AIG1: variants seen among roughly 807,000 people sequenced by gnomAD.
AIG1 encodes androgen-induced gene 1 protein.
A neutral mutation model predicts 31.4 loss-of-function variants in AIG1; 23 were observed. That is an observed-to-expected ratio of 0.73 (90% CI 0.53 to 1.04). AIG1 has a LOEUF of 1.04. Ranked by LOEUF, AIG1 falls within the 50% of genes least tolerant of loss-of-function variation. AIG1 has a pLI of 0.00. For synonymous variants in AIG1, 100 were observed against 110.5 expected (o/e 0.90, Z 0.60); for missense variants, 274 against 295.0 (o/e 0.93, Z 0.52).
intron 1 of AIG1, among the ~76,000 whole-genome samples, chr6:143,082,773 G>A (rs1001442043): frequency 6.6e-6 from 1 of 152,018 alleles, no homozygotes; most frequent in Non-Finnish European, 1.5e-5. Context: ...CTGGTCCTTC[G>A]GACCTGTGTA....
rs1356251745 is a variant in AIG1 at position 143,329,839 on chromosome 6, C to A, written c.516-3443C>A. On this transcript the variant is annotated intron_variant, in intron 4 of 5. Transcript: ENST00000357847. The surrounding 1 kb of genome is among the most constrained non-coding windows in gnomAD (Gnocchi z 4.9). Reference sequence around the variant, plus strand: ...AAAGTTTTATTGGAACACATCCACACTCGTTTACATATTGTCTATGGCTGC... The same window carrying A: ...AAAGTTTTATTGGAACACATCCACAATCGTTTACATATTGTCTATGGCTGC... Among the ~76,000 whole-genome samples the A allele has an allele frequency of 1.3e-5, 2 of 152,166 alleles. No individual in the cohort carries two copies. Among genetic ancestry groups the A allele is most frequent in the African/African-American group, 2.4e-5 (1 of 41,422 alleles).
intron 3 of AIG1, among the ~76,000 whole-genome samples, chr6:143,166,916 G>A (rs1182537307): frequency 1.3e-5 from 2 of 152,160 alleles, no homozygotes; most frequent in African/African-American, 2.4e-5. Flanking sequence ...GGCCTCAAAT[G>A]TGTGGCCACA....
intron 1 of AIG1, chr6:143,061,527 C>G: frequency 3.1e-6 from 1 of 326,324 alleles, no homozygotes; most frequent in East Asian, 7.8e-5. Context: ...TGATTTGGAA[C>G]TTCACCTGAA....
chr6:143,163,255 G>A lies in AIG1; in HGVS notation c.298-1827G>A, dbSNP rs563430108. Among the ~76,000 whole-genome samples, 21 of 152,256 alleles carry A rather than the reference G, an allele frequency of 1.4e-4. No homozygotes were observed. The South Asian group carries it at 4.1e-3, about 30-fold the overall frequency. ...GTGAAATCTATCCAGCAAAAGAAGTGAAAACAGAATGGCTATCTTTAATTA... is the reference window on the plus strand; with the variant it reads ...GTGAAATCTATCCAGCAAAAGAAGTAAAAACAGAATGGCTATCTTTAATTA... On this transcript the variant is annotated intron_variant, in intron 2 of 5. Transcript: ENST00000357847.
chr6:143,217,719 G>C (rs140916737), intron 3 of AIG1, among the ~76,000 whole-genome samples: 346 of 152,252 alleles, frequency 2.3e-3, no homozygotes, highest in African/African-American at 8.2e-3. Flanking sequence ...ATGTTGGCCA[G>C]GCTCATCTGG....
chr6:143,277,998 C>A (rs1797067098), intron 3 of AIG1, among the ~76,000 whole-genome samples: 1 of 152,154 alleles, frequency 6.6e-6, no homozygotes, highest in South Asian at 2.1e-4. Context: ...TAATTTTTGT[C>A]CTTCTATTAA....
chr6:143,187,891 T>C, intron 3 of AIG1: 3 of 1,380,648 alleles, frequency 2.2e-6, no homozygotes, highest in Non-Finnish European at 2.8e-6. Context: ...AAATTACCCC[T>C]TAATTTGGTG....
chr6:143,335,202 C>T, intron 5 of AIG1: 1 of 1,217,148 alleles, frequency 8.2e-7, no homozygotes, highest in Non-Finnish European at 1.1e-6. Context: ...GTTAGGCCTA[C>T]ATCGTGGAAT....
chr6:143,129,474 T>G (rs1389039823), intron 1 of AIG1, among the ~76,000 whole-genome samples: 1 of 152,046 alleles, frequency 6.6e-6, no homozygotes, highest in Non-Finnish European at 1.5e-5. Context: ...CAGGTAATAG[T>G]GAGGGGACTG....
intron 2 of AIG1, among the ~76,000 whole-genome samples, chr6:143,161,072 T>C (rs1485484616): frequency 6.6e-6 from 1 of 152,170 alleles, no homozygotes; most frequent in Non-Finnish European, 1.5e-5. Flanking sequence ...GAAAAATAAC[T>C]GATTCATAGC....
chr6:143,072,850 C>G (rs950331368), intron 1 of AIG1, among the ~76,000 whole-genome samples: 3 of 152,174 alleles, frequency 2.0e-5, no homozygotes, highest in African/African-American at 4.8e-5. Flanking sequence ...CATTATTTCA[C>G]AGATTTGCCC....
downstream of AIG1, among the ~76,000 whole-genome samples, chr6:143,341,465 G>A (rs1220263881): frequency 1.3e-5 from 2 of 152,208 alleles, no homozygotes; most frequent in African/African-American, 2.4e-5. Context: ...TTTAAAGAGG[G>A]GATTAAGTTA....
chr6:143,149,496 G>A (rs921266149), intron 2 of AIG1, among the ~76,000 whole-genome samples: 2 of 132,160 alleles, frequency 1.5e-5, no homozygotes, highest in Non-Finnish European at 3.0e-5. Flanking sequence ...CACTGCACTC[G>A]CACTCTAGGC....
At chr6:143,181,895 G>T (rs1373626696) in intron 3 of AIG1, among the ~76,000 whole-genome samples, 1 of 151,930 alleles carries the variant, frequency 6.6e-6, no homozygotes. Context: ...GGAGAAAGAG[G>T]GTTAAAAATG....
chr6:143,125,142 A>G (rs760481784), intron 1 of AIG1, among the ~76,000 whole-genome samples: 1 of 152,244 alleles, frequency 6.6e-6, no homozygotes, highest in Non-Finnish European at 1.5e-5. Flanking sequence ...AATTGTTACC[A>G]TGAATAAAAA....
chr6:143,238,373 A>G (rs1344676677), intron 3 of AIG1, among the ~76,000 whole-genome samples: 2 of 152,226 alleles, frequency 1.3e-5, no homozygotes, highest in East Asian at 3.8e-4. Context: ...CCAGGCAGAA[A>G]GGAATCCATT....
At chr6:143,301,671 AACTC>A (rs962767674) in intron 4 of AIG1, among the ~76,000 whole-genome samples, 6 of 152,092 alleles carry the variant, frequency 3.9e-5, no homozygotes, top group Non-Finnish European at 8.8e-5. Context: ...ATCTCATGAG[AACTC>A]ACTATCAAAA....
At chr6:143,307,601 C>G (rs1248012282) in intron 4 of AIG1, among the ~76,000 whole-genome samples, 2 of 152,186 alleles carry the variant, frequency 1.3e-5, no homozygotes, top group African/African-American at 4.8e-5. Flanking sequence ...AGGTGTCAGT[C>G]TGCCCCTACT....
intron 1 of AIG1, among the ~76,000 whole-genome samples, chr6:143,089,080 G>T (rs1227003146): frequency 6.6e-6 from 1 of 151,816 alleles, no homozygotes; most frequent in Non-Finnish European, 1.5e-5. Context: ...GGTGGTGGTG[G>T]GTGCCTGTAA....
Sources: gnomAD v4.1 joint callset for allele counts (sites outside exome capture counted in the v4.1 genomes callset) on GRCh38, gnomAD v4.1.1 for gene constraint, Gnocchi (gnomAD v3.1) non-coding constraint, MANE v1.5 for transcripts, NCBI Gene and HGNC (gene_info 2026-07-23, HGNC 2026-07-21) for gene names.